The following SGCD variants were observed in gnomAD, a reference collection of about 807,000 sequenced individuals.
SGCD encodes the protein delta-sarcoglycan.
A neutral mutation model predicts 36.6 loss-of-function variants in SGCD; 18 were observed. The ratio of observed to expected loss-of-function variants is 0.49; its 90% CI spans 0.34 to 0.73. The LOEUF is 0.73. Ranked by LOEUF, SGCD falls within the 30% of genes least tolerant of loss-of-function variation. The pLI is 0.01. For missense variants in SGCD, 387 were observed against 346.7 expected (o/e 1.12, Z -0.92); for synonymous variants, 133 against 130.6 (o/e 1.02, Z -0.12).
intron 7 of SGCD, among the ~76,000 whole-genome samples, chr5:156,696,940 A>G (rs1051368866): frequency 2.8e-5 from 4 of 142,588 alleles, no homozygotes; most frequent in Non-Finnish European, 4.8e-5. Flanking sequence ...ACACACACAC[A>G]CACACACACA....
chr5:156,518,853 G>C (rs1189933819), intron 4 of SGCD, among the ~76,000 whole-genome samples: 1 of 152,148 alleles, frequency 6.6e-6, no homozygotes, highest in African/African-American at 2.4e-5. Flanking sequence ...AGTTAAAGCA[G>C]TGTTAAGAGG....
the SGCD span, among the ~76,000 whole-genome samples, chr5:155,863,810 G>A: frequency 6.6e-6 from 1 of 151,852 alleles, no homozygotes; most frequent in Non-Finnish European, 1.5e-5. Flanking sequence ...TGTTTCTATT[G>A]TTTTTCATTT....
intron 3 of SGCD, among the ~76,000 whole-genome samples, chr5:156,201,311 G>A (rs757684140): frequency 1.3e-5 from 2 of 152,126 alleles, no homozygotes; most frequent in Non-Finnish European, 2.9e-5. Context: ...ATATATCACT[G>A]TTATTTTTAA....
chr5:155,965,923 C>A (rs1757893304), intron 1 of SGCD, among the ~76,000 whole-genome samples: 1 of 152,066 alleles, frequency 6.6e-6, no homozygotes, highest in Admixed American at 6.6e-5. Context: ...TGCATCACTA[C>A]ATCTCTTAGC....
At chr5:156,653,493 C>CTTTTTTTTTTTTTGTTTTTTTTTTTTTT (rs1763547495) in intron 7 of SGCD, among the ~76,000 whole-genome samples, 1 of 48,082 alleles carries the variant, frequency 2.1e-5, no homozygotes, top group Non-Finnish European at 4.0e-5. Context: ...CTAAAGCTTG[C>CTTTTTTTTTTTTTGTTTTTTTTTTTTTT]TTTTTTTTTT....
intron 1 of SGCD, among the ~76,000 whole-genome samples, chr5:156,109,721 G>A (rs967874045): frequency 2.0e-5 from 3 of 151,926 alleles, no homozygotes; most frequent in African/African-American, 7.3e-5. Context: ...TCCATCTCAT[G>A]CCCCTCTCTC....
chr5:156,622,658 T>C (rs1031472380), intron 6 of SGCD, among the ~76,000 whole-genome samples: 1 of 152,024 alleles, frequency 6.6e-6, no homozygotes, highest in Admixed American at 6.6e-5. Flanking sequence ...ATGTGTAGGT[T>C]TGATGAAGAG....
intron 1 of SGCD, among the ~76,000 whole-genome samples, chr5:155,877,078 T>C (rs1054537761): frequency 2.0e-5 from 3 of 152,108 alleles, no homozygotes; most frequent in Non-Finnish European, 4.4e-5. Context: ...ATGTGAAAGA[T>C]CTACTGAAGT....
At chr5:156,673,272 A>G (rs1005578099) in intron 7 of SGCD, among the ~76,000 whole-genome samples, 11 of 152,216 alleles carry the variant, frequency 7.2e-5, no homozygotes, top group Non-Finnish European at 1.2e-4. Flanking sequence ...TATTCATAAT[A>G]TATCATTTCC....
At position 156,329,524 on chromosome 5, in the gene SGCD, T is replaced by C. The variant is rs1767966194; in HGVS notation, c.-43-10T>C. The stretch of plus-strand genomic sequence containing the variant: ...AGACCTTATTTTTAACCCATATTTG[T>C]TCCTTGCAGAGACATTACTGCCGGG... On this transcript the variant is annotated splice_polypyrimidine_tract_variant and intron_variant, in intron 1 of 8. Transcript: ENST00000337851. The C allele has an allele frequency of 1.2e-6, 2 of 1,600,522 alleles. No individual in the cohort carries two copies. Among genetic ancestry groups the C allele is most frequent in the East Asian group, 4.5e-5 (2 of 44,746 alleles).
intron 7 of SGCD, among the ~76,000 whole-genome samples, chr5:156,753,832 C>T (rs890187449): frequency 2.0e-5 from 3 of 152,122 alleles, no homozygotes; most frequent in Non-Finnish European, 4.4e-5. Context: ...TCCCATGACA[C>T]GTGGGGATTA....
At chr5:156,361,104 G>C (rs962878972) in intron 3 of SGCD, among the ~76,000 whole-genome samples, 1 of 152,164 alleles carries the variant, frequency 6.6e-6, no homozygotes, top group African/African-American at 2.4e-5. Flanking sequence ...GCTGCTGCAG[G>C]CCCCATATGG....
At chr5:156,254,516 A>G (rs1023549844) in intron 3 of SGCD, among the ~76,000 whole-genome samples, 3 of 152,074 alleles carry the variant, frequency 2.0e-5, no homozygotes, top group Non-Finnish European at 2.9e-5. Context: ...TTTTTTTGGT[A>G]TTAGAGAAGA....
chr5:155,780,244 TA>T, the SGCD span, among the ~76,000 whole-genome samples: 1 of 152,160 alleles, frequency 6.6e-6, no homozygotes, highest in Non-Finnish European at 1.5e-5. Context: ...GGCCACTTTT[TA>T]AAAAGACACT....
intron 1 of SGCD, among the ~76,000 whole-genome samples, chr5:156,061,407 T>C (rs1022776303): frequency 1.4e-5 from 2 of 146,052 alleles, no homozygotes; most frequent in Non-Finnish European, 1.5e-5. Flanking sequence ...TCATGGTTTC[T>C]TACCATAGAA....
upstream of SGCD, among the ~76,000 whole-genome samples, chr5:156,321,765 G>C (rs375347780): frequency 7.4e-4 from 112 of 152,288 alleles, 1 homozygote; most frequent in African/African-American, 2.5e-3. Context: ...ACCACCCAAA[G>C]GAGAGAGCAA....
At chr5:156,701,448 G>T (rs1424320836) in intron 7 of SGCD, among the ~76,000 whole-genome samples, 1 of 152,050 alleles carries the variant, frequency 6.6e-6, no homozygotes, top group East Asian at 1.9e-4. Context: ...CTGGATTATT[G>T]TATTGTAAAT....
intron 7 of SGCD, among the ~76,000 whole-genome samples, chr5:156,720,733 TC>T (rs1343185784): frequency 1.3e-5 from 2 of 152,216 alleles, no homozygotes; most frequent in Non-Finnish European, 2.9e-5. Context: ...ATCTTTATTT[TC>T]TAATTCACTC....
intron 7 of SGCD, among the ~76,000 whole-genome samples, chr5:156,747,758 C>T (rs577533945): frequency 5.6e-4 from 85 of 152,176 alleles, no homozygotes; most frequent in South Asian, 1.0e-3. Context: ...GTCCAGCCCA[C>T]GTTGAGGGGA....
Sources: gnomAD v4.1 joint callset for allele counts (sites outside exome capture counted in the v4.1 genomes callset) on GRCh38, gnomAD v4.1.1 for gene constraint, MANE v1.5 for transcripts, NCBI Gene and HGNC (gene_info 2026-07-23, HGNC 2026-07-21) for gene names.